PLET1: variants seen among roughly 807,000 people sequenced by gnomAD.
PLET1 encodes the protein placenta expressed transcript 1, also known as placenta-expressed transcript 1 protein.
In PLET1, 20 loss-of-function variants were observed where a neutral mutation model predicts 18.5. The observed-to-expected ratio is 1.08, with a 90% CI of 0.76 to 1.57. The LOEUF (loss-of-function observed/expected upper bound fraction) is 1.57. PLET1 is among the 40% of genes most tolerant of loss of function. The pLI, the probability that PLET1 is intolerant of heterozygous loss-of-function variation, is 0.00. For missense variants in PLET1, 256 were observed against 246.4 expected (o/e 1.04, Z -0.26); for synonymous variants, 93 against 93.8 (o/e 0.99, Z 0.05).
At chr11:112,250,999 C>T (rs191250652) in intron 3 of PLET1, among the ~76,000 whole-genome samples, 2 of 152,242 alleles carry the variant, frequency 1.3e-5, no homozygotes, top group East Asian at 1.9e-4. Flanking sequence ...GCGTAACTGG[C>T]GGGAAAATAG....
intron 2 of PLET1, among the ~76,000 whole-genome samples, chr11:112,254,940 G>A (rs899763288): frequency 1.1e-5 from 1 of 88,780 alleles, no homozygotes; most frequent in Non-Finnish European, 2.6e-5. Context: ...TGCTGTGAGC[G>A]TGTGTGTGGT....
intron 2 of PLET1, among the ~76,000 whole-genome samples, chr11:112,254,610 GTA>G (rs920865054): frequency 1.4e-4 from 19 of 132,214 alleles, no homozygotes; most frequent in South Asian, 2.8e-4. Flanking sequence ...TGGCATGTGT[GTA>G]TGGTGTGTGT....
Position 112,252,407 on chromosome 11 carries a change from G to C in PLET1, c.389C>G (p.Ala130Gly). Residue 130 changes from alanine to glycine, a missense_variant and splice_region_variant, in exon 3 of 4, where the codon GCT becomes GGT. Transcript: ENST00000338832. The stretch of plus-strand genomic sequence containing the variant: ...CAGCGCTCTGATCTGGACAGTGAAA[G>C]CTCTGTGGAGGGCAAATCAATGAGA... ...PENITEVEIQ[A>G]FTVQIRALPI... The C allele has an allele frequency of 6.4e-7, 1 of 1,551,044 alleles. No individual in the cohort carries two copies. Among genetic ancestry groups the C allele is most frequent in the African/African-American group, 1.4e-5 (1 of 73,140 alleles).
chr11:112,249,420 T>C (rs1220648409), intron 3 of PLET1, among the ~76,000 whole-genome samples: 1 of 152,184 alleles, frequency 6.6e-6, no homozygotes. Context: ...AATCCAGACC[T>C]GAGGACGGCC....
At chr11:112,252,622 G>A (rs866525172) in intron 2 of PLET1, among the ~76,000 whole-genome samples, 2 of 152,116 alleles carry the variant, frequency 1.3e-5, no homozygotes, top group Admixed American at 6.5e-5. Flanking sequence ...CCATTCCAAC[G>A]CCCCTACCAA....
At chr11:112,255,284 T>A in intron 2 of PLET1, 104 bp downstream of exon 2, 1 of 1,193,650 alleles carries the variant, frequency 8.4e-7, no homozygotes, top group East Asian at 2.6e-5. Flanking sequence ...GAGTTCTCCA[T>A]ATCACGTCTG....
rs555046859 is a variant in PLET1, at chr11:112,252,452, T to C, written c.387-43A>G. ...ATGAGAGATAATGCTGAGGACCTCA[T>C]GCGGAATTCACAAGTTCAGCTCACA... is the stretch of plus-strand genomic sequence containing the variant. On this transcript the variant is annotated intron_variant, in intron 2 of 3. Coordinates refer to ENST00000338832, the MANE Select transcript of PLET1 (RefSeq NM_001145024.1). 231 of 1,512,704 alleles carry C rather than the reference T, an allele frequency of 1.5e-4. 1 individual carries two copies. The African/African-American group carries it at 3.0e-3, about 19-fold the overall frequency. The allele number at this position is 1,512,704 out of a possible 1,614,324, so 93.7% of individuals were successfully genotyped here.
intron 1 of PLET1, among the ~76,000 whole-genome samples, chr11:112,259,904 G>A (rs1343734339): frequency 6.6e-6 from 1 of 152,062 alleles, no homozygotes; most frequent in Admixed American, 6.6e-5. Flanking sequence ...CAGGCGTGGT[G>A]GTGTGCACCT....
At position 112,248,592 on chromosome 11, in the gene PLET1, C is replaced by A; in HGVS notation, c.*207G>T. On this transcript the variant is annotated 3_prime_UTR_variant, in exon 4 of 4. Transcript: ENST00000338832. The stretch of plus-strand genomic sequence containing the variant: ...ATTTTCAAAAAGTGTAATATGTGTC[C>A]TGAAAGATCCAGATGAACATCTATG... 1.7e-6 allele frequency: 1 copy of A among 595,100 alleles called. No individual in the cohort carries two copies. The highest frequency in any genetic ancestry group is 2.2e-5 in the South Asian group (1 of 46,218). The allele number at this position is 595,100 out of a possible 1,614,324, so 36.9% of individuals were successfully genotyped here.
At chr11:112,256,676 A>C (rs148150215) in intron 1 of PLET1, among the ~76,000 whole-genome samples, 1 of 152,344 alleles carries the variant, frequency 6.6e-6, no homozygotes, top group East Asian at 1.9e-4. Flanking sequence ...AATTGTTATT[A>C]TGTGACTATA....
At chr11:112,250,240 TTTTTTC>T (rs1229129531) in intron 3 of PLET1, among the ~76,000 whole-genome samples, 3 of 142,092 alleles carry the variant, frequency 2.1e-5, no homozygotes, top group Non-Finnish European at 4.6e-5. Flanking sequence ...TTTTTTTTTT[TTTTTTC>T]CTTTTTGGCA....
Position 112,260,441 on chromosome 11 carries a change from C to T in PLET1, c.149G>A (p.Ser50Asn). The change falls in exon 1 of 4, where the codon AGT becomes AAT. Residue 50 changes from serine (S) to asparagine (N), a missense_variant. By Grantham distance (46) the Ser-to-Asn change is conservative. Coordinates refer to ENST00000338832, the MANE Select transcript of PLET1 (RefSeq NM_001145024.1). Reference protein sequence around the residue: ...YYTITLDIKASSHIYESNAVY... With the variant: ...YYTITLDIKANSHIYESNAVY... Reference sequence around the variant, plus strand: ...TGCATTGCTTTCGTAGATATGTGAACTGGCCTTGATGTCTAGGGTTATGGT... The same window carrying T: ...TGCATTGCTTTCGTAGATATGTGAATTGGCCTTGATGTCTAGGGTTATGGT... 6.4e-7 allele frequency: 1 copy of T among 1,551,828 alleles called. No homozygotes were observed.
chr11:112,252,394 C>G lies in PLET1; in HGVS notation c.402G>C (p.Gln134His). 1.3e-6 allele frequency: 2 copies of G among 1,551,410 alleles called. No homozygotes were observed. Among genetic ancestry groups the G allele is most frequent in the Middle Eastern group, 3.3e-4 (2 of 5,990 alleles). ...TAGAAAGTATAGGCAGCGCTCTGAT[C>G]TGGACAGTGAAAGCTCTGTGGAGGG... The part of the protein sequence containing the change: ...TEVEIQAFTV[Q>H]IRALPILSTL... The change falls in exon 3 of 4, where the codon CAG becomes CAC. Residue 134 changes from glutamine to histidine, a missense_variant. Gln to His is a conservative substitution (Grantham distance 24). Coordinates refer to ENST00000338832, the MANE Select transcript of PLET1 (RefSeq NM_001145024.1).
chr11:112,260,357 A>T, intron 1 of PLET1, 49 bp downstream of exon 1: 1 of 1,487,500 alleles, frequency 6.7e-7, no homozygotes, highest in African/African-American at 1.4e-5. Context: ...AATTCTGGTT[A>T]ATTTCCCTCA....
At position 112,248,976 on chromosome 11, in the gene PLET1, T is replaced by G; in HGVS notation, c.449-2A>C. ...TGGCAGCTAAGGCTAAGGTTGACAC[T>G]GGAAAGGTGGTTGAGGGTGCGGTTG... On this transcript the variant is annotated splice_acceptor_variant, in intron 3 of 3. Transcript: ENST00000338832. LOFTEE classifies it high-confidence loss of function. 1.3e-6 allele frequency: 2 copies of G among 1,549,894 alleles called. No homozygotes were observed. Among genetic ancestry groups the G allele is most frequent in the Non-Finnish European group, 1.7e-6 (2 of 1,146,816 alleles).
chr11:112,255,768 G>A (rs111561466), intron 1 of PLET1, among the ~76,000 whole-genome samples, 179 bp from the exon 2 acceptor site: 54 of 152,314 alleles, frequency 3.5e-4, no homozygotes, highest in African/African-American at 1.2e-3. Flanking sequence ...AATACATCAA[G>A]ATATTAATTG....
rs1482342703 is a variant in PLET1 at position 112,248,785 on chromosome 11, T to C, written c.*14A>G. 6.4e-7 allele frequency: 1 copy of C among 1,550,676 alleles called. No homozygotes were observed. Among genetic ancestry groups the C allele is most frequent in the Non-Finnish European group, 8.7e-7 (1 of 1,146,358 alleles). ...TGCAGTGGAGGCAGAAACAATTGTT[T>C]CCCTGGCTTCCCTTTAGAAGAGAAG... On this transcript the variant is annotated 3_prime_UTR_variant, in exon 4 of 4. Coordinates refer to ENST00000338832, the MANE Select transcript of PLET1 (RefSeq NM_001145024.1).
At chr11:112,251,500 G>A (rs979026602) in intron 3 of PLET1, among the ~76,000 whole-genome samples, 8 of 152,118 alleles carry the variant, frequency 5.3e-5, no homozygotes, top group Non-Finnish European at 7.4e-5. Flanking sequence ...AGGAGAACCC[G>A]GGAGGCAGAA....
intron 2 of PLET1, 98 bp downstream of exon 2, chr11:112,255,290 G>A (rs904188107): frequency 1.9e-5 from 23 of 1,240,042 alleles, no homozygotes; most frequent in Non-Finnish European, 2.4e-5. Context: ...TCCATATCAC[G>A]TCTGGATTGT....
Sources: allele counts gnomAD v4.1 joint callset (sites outside exome capture counted in the v4.1 genomes callset), GRCh38; gene constraint gnomAD v4.1.1; transcripts MANE v1.5; gene names NCBI Gene and HGNC (gene_info 2026-07-23, HGNC 2026-07-21).